BIN3: variants seen among roughly 807,000 people sequenced by gnomAD.
The protein encoded by BIN3 is bridging integrator 3.
In BIN3, 41 loss-of-function variants were observed where a neutral mutation model predicts 38.2. The observed-to-expected ratio is 1.07, with a 90% CI of 0.84 to 1.39. BIN3 has a LOEUF of 1.39. BIN3 is among the 40% of genes most tolerant of loss of function. The pLI is 0.00. For missense variants in BIN3, 361 were observed against 324.3 expected (o/e 1.11, Z -0.87); for synonymous variants, 145 against 122.6 (o/e 1.18, Z -1.21).
chr8:22,640,870 G>A (rs1225164959), intron 2 of BIN3, among the ~76,000 whole-genome samples: 2 of 152,232 alleles, frequency 1.3e-5, no homozygotes, highest in East Asian at 3.9e-4. Flanking sequence ...CTGAGGAGAA[G>A]GTCAGGGGTG....
rs188241222 is a variant in BIN3 at position 22,634,415 on chromosome 8, G to A, written c.160+2110C>T. Reference sequence around the variant, plus strand: ...CTGCACAGGCAGTCAGCGCTCACCCGGGCATGGTGGTGGTGACGGCGGCTC... The same window carrying A: ...CTGCACAGGCAGTCAGCGCTCACCCAGGCATGGTGGTGGTGACGGCGGCTC... On this transcript the variant is annotated intron_variant, in intron 4 of 8. Coordinates refer to ENST00000276416, the MANE Select transcript of BIN3 (RefSeq NM_018688.6). 1.7e-3 allele frequency: 759 copies of A among 451,964 alleles called. 6 individuals are homozygous for A. The highest frequency in any genetic ancestry group is 0.014 in the African/African-American group (702 of 50,028). 28.0% of individuals were successfully genotyped at this position (451,964 alleles called of 1,614,324 possible).
intron 5 of BIN3, 101 bp from the exon 6 acceptor site, chr8:22,630,105 C>T (rs568544121): frequency 1.6e-4 from 204 of 1,251,148 alleles, no homozygotes; most frequent in Non-Finnish European, 2.1e-4. Flanking sequence ...GTCTAAAGGG[C>T]CACAGGGTGC....
At chr8:22,630,048 G>T in intron 5 of BIN3, 44 bp from the exon 6 acceptor site, 1 of 1,567,808 alleles carries the variant, frequency 6.4e-7, no homozygotes, top group Non-Finnish European at 8.7e-7. Context: ...GTGGGGAGGG[G>T]AGGGCGACAC....
chr8:22,660,082 C>T (rs901649563), intron 1 of BIN3, among the ~76,000 whole-genome samples: 18 of 152,118 alleles, frequency 1.2e-4, no homozygotes, highest in African/African-American at 4.1e-4. Flanking sequence ...GATAAGTCTG[C>T]CTAAATTTGA....
At position 22,667,056 on chromosome 8, in the gene BIN3, G is replaced by A. The variant is rs147271133; in HGVS notation, c.8+1988C>T. Among the ~76,000 whole-genome samples the A allele has an allele frequency of 2.0e-5, 3 of 152,194 alleles. No homozygotes were observed. The South Asian group carries it at 6.2e-4, about 32-fold the overall frequency. ...GCGCCGGTGCTGTTCCCGTCTTTGA[G>A]AGACAGGGTCAGGGTCCACGCAAGA... On this transcript the variant is annotated intron_variant, in intron 1 of 8. Coordinates refer to ENST00000276416, the MANE Select transcript of BIN3 (RefSeq NM_018688.6).
intron 2 of BIN3, among the ~76,000 whole-genome samples, chr8:22,638,986 T>C (rs1802455245): frequency 6.6e-6 from 1 of 152,242 alleles, no homozygotes; most frequent in Non-Finnish European, 1.5e-5. Context: ...GTGTTGCCTG[T>C]CCCAGGGGAT....
chr8:22,636,451 G>A, intron 4 of BIN3, 74 bp downstream of exon 4: 3 of 1,461,278 alleles, frequency 2.1e-6, no homozygotes, highest in East Asian at 2.5e-5. Context: ...AGAGCCCTTG[G>A]GGGGCTGAGA....
At chr8:22,667,895 C>G (rs1032607331) in intron 1 of BIN3, among the ~76,000 whole-genome samples, 25 of 152,236 alleles carry the variant, frequency 1.6e-4, no homozygotes, top group Admixed American at 5.9e-4. Context: ...TGCTTGCGTT[C>G]TCCACTGATG....
chr8:22,668,930 T>C, intron 1 of BIN3, 114 bp downstream of exon 1: 6 of 1,415,106 alleles, frequency 4.2e-6, no homozygotes, highest in Non-Finnish European at 4.8e-6. Flanking sequence ...GGCCTTGCTC[T>C]GGGGCGGAGG....
intron 2 of BIN3, among the ~76,000 whole-genome samples, chr8:22,640,185 C>CTT (rs1335922913): frequency 6.8e-5 from 10 of 147,310 alleles, no homozygotes; most frequent in African/African-American, 1.5e-4. Flanking sequence ...CCTTCTTCTT[C>CTT]TTTTTTTTTT....
chr8:22,663,483 G>C (rs1468117794), intron 1 of BIN3, among the ~76,000 whole-genome samples: 2 of 147,736 alleles, frequency 1.4e-5, no homozygotes, highest in African/African-American at 2.5e-5. Flanking sequence ...GTCCAAGTTA[G>C]CATCCTTGGC....
At chr8:22,631,707 T>G (rs1307786472) in intron 4 of BIN3, among the ~76,000 whole-genome samples, 1 of 152,162 alleles carries the variant, frequency 6.6e-6, no homozygotes, top group Non-Finnish European at 1.5e-5. Flanking sequence ...CTGACGTTTT[T>G]CAAGGCACCC....
chr8:22,656,223 GTT>G (rs71206533), intron 1 of BIN3, among the ~76,000 whole-genome samples: 70 of 137,176 alleles, frequency 5.1e-4, no homozygotes, highest in South Asian at 1.6e-3. Context: ...GGTCTTAAGG[GTT>G]TTTTTTTTTT....
chr8:22,667,054 G>C (rs942280363), intron 1 of BIN3, among the ~76,000 whole-genome samples: 2 of 152,208 alleles, frequency 1.3e-5, no homozygotes, highest in Non-Finnish European at 2.9e-5. Flanking sequence ...TCCCGTCTTT[G>C]AGAGACAGGG....
At chr8:22,660,116 G>A (rs1803186129) in intron 1 of BIN3, among the ~76,000 whole-genome samples, 1 of 152,214 alleles carries the variant, frequency 6.6e-6, no homozygotes, top group Non-Finnish European at 1.5e-5. Flanking sequence ...CCCAAATAGT[G>A]AAAGGATTTT....
At position 22,650,865 on chromosome 8, in the gene BIN3, T is replaced by C. The variant is rs577105793; in HGVS notation, c.9-6062A>G. On this transcript the variant is annotated intron_variant, in intron 1 of 8. Coordinates refer to ENST00000276416, the MANE Select transcript of BIN3 (RefSeq NM_018688.6). Reference sequence around the variant, plus strand: ...CATCGCTATTTCATGAAGCCACACTTGCAGCTCTTCTTCTCAATATAGTTA... The same window carrying C: ...CATCGCTATTTCATGAAGCCACACTCGCAGCTCTTCTTCTCAATATAGTTA... Among the ~76,000 whole-genome samples, 3 of 152,314 alleles carry C rather than the reference T, an allele frequency of 2.0e-5. No homozygotes were observed. The South Asian group carries it at 6.2e-4, about 32-fold the overall frequency.
At chr8:22,627,532 C>T (rs1056341991) in intron 6 of BIN3, among the ~76,000 whole-genome samples, 1 of 152,102 alleles carries the variant, frequency 6.6e-6, no homozygotes, top group African/African-American at 2.4e-5. Flanking sequence ...CCAGCCCCTC[C>T]CAGATATGTC....
chr8:22,620,570 G>A lies in BIN3; in HGVS notation c.*852C>T, dbSNP rs1207160769. 2.0e-5 allele frequency: 3 copies of A among 152,398 alleles called. No individual in the cohort carries two copies. Among genetic ancestry groups the A allele is most frequent in the East Asian group, 3.9e-4 (2 of 5,168 alleles). The allele number at this position is 152,398 out of a possible 1,614,324, so 9.4% of individuals were successfully genotyped here. ...CTGGACCACGGTGCAGTTCGCTCCA[G>A]AAGGTGGGCCAGGGCCGGGGAGGTG... is the stretch of plus-strand genomic sequence containing the variant. On this transcript the variant is annotated 3_prime_UTR_variant, in exon 9 of 9. Coordinates refer to ENST00000276416, the MANE Select transcript of BIN3 (RefSeq NM_018688.6).
chr8:22,666,384 G>T (rs1463052640), intron 1 of BIN3, among the ~76,000 whole-genome samples: 7 of 131,718 alleles, frequency 5.3e-5, no homozygotes, highest in Non-Finnish European at 8.1e-5. Flanking sequence ...AGTTGGGAGG[G>T]GGGCAAATGG....
Sources: gnomAD v4.1 joint callset for allele counts (sites outside exome capture counted in the v4.1 genomes callset) on GRCh38, gnomAD v4.1.1 for gene constraint, MANE v1.5 for transcripts, NCBI Gene and HGNC (gene_info 2026-07-23, HGNC 2026-07-21) for gene names.